The following AUTS2 variants were observed in gnomAD, a reference collection of about 807,000 sequenced individuals.
AUTS2 encodes activator of transcription and developmental regulator AUTS2, also known as autism susceptibility gene 2 protein.
A neutral mutation model predicts 112.4 loss-of-function variants in AUTS2; 17 were observed. That is an observed-to-expected ratio of 0.15 (90% CI 0.10 to 0.23). The LOEUF is 0.23. Ranked by LOEUF, AUTS2 falls within the 10% of genes least tolerant of loss-of-function variation. The probability of loss-of-function intolerance (pLI) is 1.00; values close to 1 mark genes in which losing one functional copy is unlikely to be tolerated. For synonymous variants in AUTS2, 751 were observed against 702.7 expected, an observed-to-expected ratio of 1.07 and a Z score of -1.09; for missense variants, 1,510 against 1,701.6, an observed-to-expected ratio of 0.89 and a Z score of 1.98.
At chr7:70,750,545 C>T (rs1166394420) in intron 6 of AUTS2, among the ~76,000 whole-genome samples, 1 of 151,830 alleles carries the variant, frequency 6.6e-6, no homozygotes, top group East Asian at 1.9e-4. Flanking sequence ...GGACTACAGG[C>T]ACACGCCACC....
intron 4 of AUTS2, among the ~76,000 whole-genome samples, chr7:70,338,833 C>CTTTCTTTAT (rs71077651): frequency 6.4e-5 from 9 of 141,012 alleles, no homozygotes; most frequent in African/African-American, 1.8e-4. Flanking sequence ...AGCCTCATCT[C>CTTTCTTTAT]TTATTTATTT....
chr7:70,759,692 T>G (rs2129556478), intron 6 of AUTS2, among the ~76,000 whole-genome samples: 1 of 152,320 alleles, frequency 6.6e-6, no homozygotes, highest in East Asian at 1.9e-4. Context: ...CCAGTGGCCT[T>G]TCCGGGGCCT....
rs560005687 is a variant in AUTS2, at chr7:69,742,136, G to A, written c.309+142174G>A. Among the ~76,000 whole-genome samples, 49 of 150,330 alleles carry A rather than the reference G, an allele frequency of 3.3e-4. No homozygotes were observed. In the South Asian group the frequency reaches 6.1e-3, roughly 19 times the overall value. ...CTTTTTTTTTTTTTTTTTTTGAGGG[G>A]GGAGGGCAGATGGTCTTTTAGATTT... On this transcript the variant is annotated intron_variant, in intron 1 of 18. Transcript: ENST00000342771.
intron 1 of AUTS2, among the ~76,000 whole-genome samples, chr7:69,822,634 T>C (rs1791048769): frequency 1.3e-5 from 2 of 152,340 alleles, no homozygotes; most frequent in African/African-American, 4.8e-5. Context: ...GCATAAGATA[T>C]GGAAGTTTGT....
In AUTS2 at chr7:69,658,202, A is replaced by G. The variant is rs373660720; in HGVS notation, c.309+58240A>G. Reference sequence around the variant, plus strand: ...GCAGAATTGAGTAGTTGCAGCAGAAACCATATGGCCTGAATAGCCTAAAAT... The same window carrying G: ...GCAGAATTGAGTAGTTGCAGCAGAAGCCATATGGCCTGAATAGCCTAAAAT... On this transcript the variant is annotated intron_variant, in intron 1 of 18. Coordinates refer to ENST00000342771, the MANE Select transcript of AUTS2 (RefSeq NM_015570.4). Among the ~76,000 whole-genome samples the G allele has an allele frequency of 1.9e-3, 283 of 152,318 alleles. 6 individuals are homozygous for G. The highest frequency in any genetic ancestry group is 0.011 in the South Asian group (52 of 4,824).
intron 1 of AUTS2, among the ~76,000 whole-genome samples, chr7:69,717,621 C>T (rs1018149516): frequency 1.1e-4 from 16 of 152,140 alleles, no homozygotes; most frequent in African/African-American, 3.9e-4. Context: ...TATCCTGCTT[C>T]AGGGTTTCTA....
chr7:70,258,756 A>T (rs1207940457), intron 4 of AUTS2, among the ~76,000 whole-genome samples: 1 of 152,200 alleles, frequency 6.6e-6, no homozygotes, highest in East Asian at 1.9e-4. Context: ...ATGATAGTGG[A>T]CAAGGTAAAC....
rs146363439 is a variant in AUTS2 at position 70,446,052 on chromosome 7, C to T, written c.690+10271C>T. On this transcript the variant is annotated intron_variant, in intron 5 of 18. Coordinates refer to ENST00000342771, the MANE Select transcript of AUTS2 (RefSeq NM_015570.4). ...CACACAGGAGAAGGGGCCATGGTTC[C>T]ATGGTGGCTCCTGCACTGCACCCTC... is the stretch of plus-strand genomic sequence containing the variant. 3.9e-4 allele frequency among the ~76,000 whole-genome samples: 60 copies of T among 152,228 alleles called. No homozygotes were observed. The East Asian group carries it at 0.011, about 28-fold the overall frequency.
chr7:70,391,023 A>G (rs1303598851), intron 4 of AUTS2, among the ~76,000 whole-genome samples: 1 of 152,154 alleles, frequency 6.6e-6, no homozygotes, highest in Non-Finnish European at 1.5e-5. Flanking sequence ...AATGCCCTAG[A>G]CAGTTTTCTC....
chr7:70,188,988 G>C (rs1436187120), intron 4 of AUTS2, among the ~76,000 whole-genome samples: 1 of 152,072 alleles, frequency 6.6e-6, no homozygotes, highest in Non-Finnish European at 1.5e-5. Flanking sequence ...GAGTAAGCCA[G>C]AGTATTCTAG....
intron 4 of AUTS2, among the ~76,000 whole-genome samples, chr7:70,211,153 T>G (rs1182170989): frequency 6.6e-6 from 1 of 152,132 alleles, no homozygotes; most frequent in Non-Finnish European, 1.5e-5. Flanking sequence ...CCGTGCTTAG[T>G]ATCGATTTAC....
At chr7:69,719,910 C>T (rs1275111728) in intron 1 of AUTS2, among the ~76,000 whole-genome samples, 2 of 152,008 alleles carry the variant, frequency 1.3e-5, no homozygotes. Flanking sequence ...AGTTTGATTC[C>T]CTGGTAGGGA....
intron 2 of AUTS2, among the ~76,000 whole-genome samples, chr7:69,969,425 C>T (rs114574122): frequency 2.0e-5 from 3 of 152,008 alleles, no homozygotes; most frequent in South Asian, 2.1e-4. Context: ...GAAGGATATT[C>T]GTCTTGATTT....
Position 70,435,747 on chromosome 7 carries a change from T to C in AUTS2, c.661-5T>C. 6.2e-7 allele frequency: 1 copy of C among 1,614,138 alleles called. No homozygotes were observed. Among genetic ancestry groups the C allele is most frequent in the Non-Finnish European group, 8.5e-7 (1 of 1,179,988 alleles). On this transcript the variant is annotated splice_polypyrimidine_tract_variant and splice_region_variant and intron_variant, in intron 4 of 18. Coordinates refer to ENST00000342771, the MANE Select transcript of AUTS2 (RefSeq NM_015570.4). ...TAACCCTTATTCTCTTGTCTTCATT[T>C]TCAGTGTGACAGTGACAGTGACCAG... is the stretch of plus-strand genomic sequence containing the variant.
chr7:69,629,843 C>A (rs1368743772), intron 1 of AUTS2, among the ~76,000 whole-genome samples: 3 of 148,992 alleles, frequency 2.0e-5, no homozygotes, highest in African/African-American at 7.4e-5. Context: ...GAATGAACAA[C>A]CTCAGTGAGC....
At chr7:70,385,170 T>C (rs1417758191) in intron 4 of AUTS2, among the ~76,000 whole-genome samples, 1 of 152,226 alleles carries the variant, frequency 6.6e-6, no homozygotes, top group Non-Finnish European at 1.5e-5. Context: ...CATAATCATC[T>C]GTTGCTTTCT....
intron 5 of AUTS2, among the ~76,000 whole-genome samples, chr7:70,517,909 A>G (rs543923298): frequency 2.6e-4 from 39 of 152,312 alleles, no homozygotes; most frequent in African/African-American, 9.4e-4. Context: ...AAAGTCATCA[A>G]CCAATCCAGA....
intron 1 of AUTS2, among the ~76,000 whole-genome samples, chr7:69,870,448 A>ATATATATAT (rs1554395050): frequency 4.8e-4 from 38 of 78,964 alleles, no homozygotes; most frequent in African/African-American, 1.4e-3. Context: ...ATGTGTGTGT[A>ATATATATAT]ATATATATAT....
At chr7:70,063,940 G>A (rs1802372425) in intron 2 of AUTS2, among the ~76,000 whole-genome samples, 1 of 152,116 alleles carries the variant, frequency 6.6e-6, no homozygotes, top group African/African-American at 2.4e-5. Flanking sequence ...AGAAGGAGTG[G>A]CAAGAGTATG....
Sources: allele counts gnomAD v4.1 joint callset (sites outside exome capture counted in the v4.1 genomes callset), GRCh38; gene constraint gnomAD v4.1.1; transcripts MANE v1.5; gene names NCBI Gene and HGNC (gene_info 2026-07-23, HGNC 2026-07-21).